Variants in DOCK5 observed in about 807,000 individuals in gnomAD.
The protein encoded by DOCK5 is dedicator of cytokinesis 5, also known as dedicator of cytokinesis protein 5.
A neutral mutation model predicts 251.8 loss-of-function variants in DOCK5; 142 were observed. That is an observed-to-expected ratio of 0.56 (90% CI 0.49 to 0.65). DOCK5 has a LOEUF of 0.65. Ranked by LOEUF, DOCK5 falls within the 30% of genes least tolerant of loss-of-function variation. DOCK5 has a pLI of 0.00. For missense variants in DOCK5, 2,111 were observed against 2,312.3 expected, an observed-to-expected ratio of 0.91 and a Z score of 1.79; for synonymous variants, 842 against 835.5, an observed-to-expected ratio of 1.01 and a Z score of -0.13.
chr8:25,248,142 A>G (rs528863639), intron 2 of DOCK5, among the ~76,000 whole-genome samples: 1 of 152,262 alleles, frequency 6.6e-6, no homozygotes, highest in Non-Finnish European at 1.5e-5. Flanking sequence ...ATATTGGATT[A>G]TATTTTTCAT....
chr8:25,392,908 GA>G (rs753907775), intron 44 of DOCK5, 26 bp downstream of exon 44: 11 of 1,560,750 alleles, frequency 7.0e-6, no homozygotes, highest in Non-Finnish European at 7.9e-6. Flanking sequence ...TTGGCATTTA[GA>G]AAAAAACTTT....
At chr8:25,257,648 T>C (rs1426165597) in intron 2 of DOCK5, among the ~76,000 whole-genome samples, 1 of 152,186 alleles carries the variant, frequency 6.6e-6, no homozygotes, top group African/African-American at 2.4e-5. Flanking sequence ...TTGCCACTCT[T>C]ACCCAGTGGT....
chr8:25,288,792 T>C (rs374284551), intron 5 of DOCK5, among the ~76,000 whole-genome samples: 3 of 152,152 alleles, frequency 2.0e-5, no homozygotes, highest in Non-Finnish European at 1.5e-5. Flanking sequence ...TTATATAAGA[T>C]TGAAGGAAAA....
intron 33 of DOCK5, among the ~76,000 whole-genome samples, chr8:25,369,032 A>G (rs1800827387): frequency 6.6e-6 from 1 of 152,240 alleles, no homozygotes; most frequent in African/African-American, 2.4e-5. Context: ...AATGTAGTGA[A>G]TTGAATTTAA....
intron 40 of DOCK5, among the ~76,000 whole-genome samples, chr8:25,386,565 T>C (rs1286184697): frequency 1.3e-5 from 2 of 152,042 alleles, no homozygotes; most frequent in East Asian, 3.8e-4. Context: ...GCCACTGCAC[T>C]CCAGCCTGGA....
intron 1 of DOCK5, among the ~76,000 whole-genome samples, chr8:25,188,721 C>T (rs575192290): frequency 1.3e-5 from 2 of 152,304 alleles, no homozygotes; most frequent in East Asian, 1.9e-4. Context: ...CTATTTGATT[C>T]TTTAAACTTA....
chr8:25,316,979 C>T (rs2666169), intron 13 of DOCK5, 28 bp from the exon 14 acceptor site: 1,314,793 of 1,610,926 alleles, frequency 0.82, 538,508 homozygotes, highest in Non-Finnish European at 0.83. Context: ...CTCTCAGCAA[C>T]ACTCACAGCA....
chr8:25,392,039 C>A, intron 43 of DOCK5, 59 bp downstream of exon 43: 1 of 1,513,256 alleles, frequency 6.6e-7, no homozygotes, highest in Non-Finnish European at 9.1e-7. Flanking sequence ...CACGGTGGCT[C>A]ACGCCTGTAA....
chr8:25,266,742 G>T (rs1803762994), intron 2 of DOCK5, among the ~76,000 whole-genome samples: 2 of 151,738 alleles, frequency 1.3e-5, no homozygotes, highest in African/African-American at 4.9e-5. Context: ...CTGATGCAAG[G>T]AAAATGAACA....
intron 38 of DOCK5, among the ~76,000 whole-genome samples, chr8:25,379,516 C>A (rs1027766164): frequency 6.6e-6 from 1 of 152,138 alleles, no homozygotes; most frequent in Non-Finnish European, 1.5e-5. Context: ...CGCTGTTATT[C>A]TGTTCTTTTT....
At chr8:25,239,317 ATATG>A (rs1201014299) in intron 1 of DOCK5, among the ~76,000 whole-genome samples, 2 of 135,054 alleles carry the variant, frequency 1.5e-5, no homozygotes, top group Non-Finnish European at 3.1e-5. Context: ...GTGTGCGTGT[ATATG>A]TGTGTGTGTG....
chr8:25,187,800 T>C (rs1801471594), intron 1 of DOCK5, among the ~76,000 whole-genome samples: 1 of 152,142 alleles, frequency 6.6e-6, no homozygotes, highest in Non-Finnish European at 1.5e-5. Flanking sequence ...TTTGGGACTT[T>C]GCTCCCATTG....
intron 1 of DOCK5, among the ~76,000 whole-genome samples, chr8:25,235,060 C>T (rs1334588507): frequency 1.3e-5 from 2 of 152,156 alleles, no homozygotes; most frequent in African/African-American, 2.4e-5. Flanking sequence ...CTGCTCTTTA[C>T]TCACTGTCTG....
At position 25,309,791 on chromosome 8, in the gene DOCK5, A is replaced by T. The variant is rs7843294; in HGVS notation, c.1193-616A>T. On this transcript the variant is annotated intron_variant, in intron 12 of 51. Coordinates refer to ENST00000276440, the MANE Select transcript of DOCK5 (RefSeq NM_024940.8). ...AGCCGAGGTGATGCCACTGCATTCC[A>T]GTCTGGGCAACAAAGTGAGACTCTG... Among the ~76,000 whole-genome samples, 737 of 152,238 alleles carry T rather than the reference A, an allele frequency of 4.8e-3. 7 individuals are homozygous for T. Among genetic ancestry groups the T allele is most frequent in the African/African-American group, 0.017 (692 of 41,548 alleles).
At chr8:25,228,061 G>A (rs1212960332) in intron 1 of DOCK5, among the ~76,000 whole-genome samples, 5 of 152,046 alleles carry the variant, frequency 3.3e-5, no homozygotes, top group Admixed American at 3.3e-4. Context: ...ACTTTTTGTA[G>A]AGATGGAGTT....
At chr8:25,374,517 A>G (rs975689513) in intron 36 of DOCK5, 47 bp from the exon 37 acceptor site, 11 of 1,555,440 alleles carry the variant, frequency 7.1e-6, no homozygotes, top group African/African-American at 1.4e-5. Context: ...TAAAAAACCT[A>G]TAAAACTCTC....
At chr8:25,386,058 A>C (rs1586384939) in intron 40 of DOCK5, among the ~76,000 whole-genome samples, 1 of 152,320 alleles carries the variant, frequency 6.6e-6, no homozygotes, top group African/African-American at 2.4e-5. Context: ...GGTACCAGAT[A>C]GCAGAGGGCC....
intron 27 of DOCK5, among the ~76,000 whole-genome samples, chr8:25,356,104 CA>C (rs554142785): frequency 4.0e-5 from 6 of 151,312 alleles, no homozygotes; most frequent in African/African-American, 1.5e-4. Context: ...GAGGCTGAGG[CA>C]GGGGGAATCA....
chr8:25,254,938 T>A (rs761739830), intron 2 of DOCK5, among the ~76,000 whole-genome samples: 1 of 151,994 alleles, frequency 6.6e-6, no homozygotes, highest in African/African-American at 2.4e-5. Context: ...CCATATGGCA[T>A]GTAAGTGTGT....
Sources: gnomAD v4.1 joint callset for allele counts (sites outside exome capture counted in the v4.1 genomes callset) on GRCh38, gnomAD v4.1.1 for gene constraint, MANE v1.5 for transcripts, NCBI Gene and HGNC (gene_info 2026-07-23, HGNC 2026-07-21) for gene names.